The following APCDD1L variants were observed in gnomAD, a reference collection of about 807,000 sequenced individuals.
APCDD1L encodes the protein protein APCDD1-like.
APCDD1L carries 21 observed loss-of-function variants against 24.2 expected under a neutral mutation model. The observed-to-expected ratio is 0.87, with a 90% confidence interval of 0.61 to 1.25. The LOEUF is 1.25. Among genes scored for constraint, APCDD1L ranks in the 50% most tolerant of loss-of-function variants. The pLI is 0.00. For synonymous variants in APCDD1L, 321 were observed against 323.6 expected (o/e 0.99, Z 0.09); for missense variants, 704 against 711.7 (o/e 0.99, Z 0.12).
At chr20:58,491,049 T>C (rs1990216541) in intron 1 of APCDD1L, among the ~76,000 whole-genome samples, 1 of 152,240 alleles carries the variant, frequency 6.6e-6, no homozygotes, top group South Asian at 2.1e-4. Flanking sequence ...GAAAATGCAT[T>C]TGATAAAATT....
chr20:58,465,961 A>G (rs1469665230), intron 3 of APCDD1L, among the ~76,000 whole-genome samples: 1 of 152,068 alleles, frequency 6.6e-6, no homozygotes. Flanking sequence ...TTTTAAAAAC[A>G]GATTTTCTGA....
chr20:58,470,473 CT>C (rs1989788823), intron 2 of APCDD1L, 135 bp downstream of exon 2: 1 of 1,264,982 alleles, frequency 7.9e-7, no homozygotes, highest in Admixed American at 2.9e-5. Context: ...AGGCAAGCAT[CT>C]CCAGCAGCTT....
At position 58,459,301 on chromosome 20, in the gene APCDD1L, A is replaced by G. The variant is rs1989551261; in HGVS notation, c.*1489T>C. On this transcript the variant is annotated 3_prime_UTR_variant, in exon 4 of 4. Transcript: ENST00000371149. ...AATGATTTCTTGTACTTTGGTAAAT[A>G]TGCCAGGAACACTTGTAGCTGTCTG... 1 of 151,706 alleles carries G rather than the reference A, an allele frequency of 6.6e-6. No homozygotes were observed. The highest frequency in any genetic ancestry group is 1.5e-5 in the Non-Finnish European group (1 of 67,994). The allele number at this position is 151,706 out of a possible 1,614,324, so 9.4% of individuals were successfully genotyped here.
At chr20:58,505,161 C>T (rs1325303322) in intron 1 of APCDD1L, among the ~76,000 whole-genome samples, 1 of 152,126 alleles carries the variant, frequency 6.6e-6, no homozygotes, top group African/African-American at 2.4e-5. Context: ...AGGATGCCTC[C>T]TCCATGAAAA....
chr20:58,474,397 C>T (rs993666525), intron 1 of APCDD1L, among the ~76,000 whole-genome samples: 1 of 152,210 alleles, frequency 6.6e-6, no homozygotes, highest in Admixed American at 6.5e-5. Context: ...TAGTAAAATA[C>T]ACCTAACATA....
chr20:58,514,863 G>T lies in APCDD1L; in HGVS notation c.-156C>A. ...CCTGCGCCCCCCTCGGCGCTCACAC[G>T]CGCTCAGCCTTCCCGGCTGTTGATA... On this transcript the variant is annotated 5_prime_UTR_variant, in exon 1 of 4. Coordinates refer to ENST00000371149, the MANE Select transcript of APCDD1L (RefSeq NM_153360.3). 1 of 473,132 alleles carries T rather than the reference G, an allele frequency of 2.1e-6. No individual in the cohort carries two copies. Among genetic ancestry groups the T allele is most frequent in the Non-Finnish European group, 3.4e-6 (1 of 293,528 alleles). The allele number at this position is 473,132 out of a possible 1,614,324, so 29.3% of individuals were successfully genotyped here.
In APCDD1L at chr20:58,461,401, T is replaced by G. The variant is rs548816621; in HGVS notation, c.895A>C (p.Thr299Pro). 2.3e-5 allele frequency: 35 copies of G among 1,553,138 alleles called. No homozygotes were observed. The Admixed American group carries it at 5.3e-4, about 23-fold the overall frequency. Residue 299 changes from threonine to proline, a missense_variant, in exon 4 of 4, where the codon ACC (threonine) becomes CCC (proline). By Grantham distance (38) the Thr-to-Pro change is conservative. Coordinates refer to ENST00000371149, the MANE Select transcript of APCDD1L (RefSeq NM_153360.3). This position sits in a 1 kb window ranked among gnomAD's most constrained non-coding sequence, Gnocchi z 6.0. ...CEVRPAVLFL[T>P]RLFTFHGHSR... is the part of the protein sequence containing the mutation. ...TGCCCGTGGAAAGTGAAGAGCCGGGTGAGGAACAGGACTGCTGGGCGCACC... is the reference window on the plus strand; with the variant it reads ...TGCCCGTGGAAAGTGAAGAGCCGGGGGAGGAACAGGACTGCTGGGCGCACC...
intron 1 of APCDD1L, among the ~76,000 whole-genome samples, chr20:58,483,885 G>A (rs937497577): frequency 2.0e-5 from 3 of 152,214 alleles, no homozygotes; most frequent in African/African-American, 7.2e-5. Flanking sequence ...ATAATGGGCT[G>A]GAGAAGCCGG....
intron 1 of APCDD1L, among the ~76,000 whole-genome samples, chr20:58,480,677 A>G (rs1990007835): frequency 1.3e-5 from 2 of 152,220 alleles, no homozygotes; most frequent in Admixed American, 6.5e-5. Context: ...TGGGAAAGGA[A>G]TGGGGGCCTG....
chr20:58,501,302 T>C (rs1990433266), intron 1 of APCDD1L, among the ~76,000 whole-genome samples: 2 of 152,200 alleles, frequency 1.3e-5, no homozygotes, highest in South Asian at 4.1e-4. Flanking sequence ...TGACTGTATT[T>C]GGAGACAGGG....
At chr20:58,469,655 G>A (rs1300318547) in intron 2 of APCDD1L, among the ~76,000 whole-genome samples, 2 of 152,218 alleles carry the variant, frequency 1.3e-5, no homozygotes, top group Non-Finnish European at 1.5e-5. Context: ...TGCCGTGGGC[G>A]TGGGGGCTGT....
intron 3 of APCDD1L, among the ~76,000 whole-genome samples, chr20:58,463,392 G>C (rs112698857): frequency 6.6e-6 from 1 of 152,052 alleles, no homozygotes; most frequent in Admixed American, 6.5e-5. Context: ...ACAAACTCTC[G>C]TGAGCTGGGT....
In APCDD1L at chr20:58,500,838, G is replaced by A. The variant is rs142773438; in HGVS notation, c.49+13821C>T. Among the ~76,000 whole-genome samples, 99 of 152,266 alleles carry A rather than the reference G, an allele frequency of 6.5e-4. 1 individual carries two copies. Among genetic ancestry groups the A allele is most frequent in the African/African-American group, 2.3e-3 (95 of 41,530 alleles). ...TCGCTGCACTCCCCACTAGCCAGTT[G>A]CCCAGTCCAGGGAGTTTTGCCTTTT... On this transcript the variant is annotated intron_variant, in intron 1 of 3. Transcript: ENST00000371149.
At chr20:58,480,872 G>C (rs181993918) in intron 1 of APCDD1L, among the ~76,000 whole-genome samples, 6 of 152,348 alleles carry the variant, frequency 3.9e-5, no homozygotes, top group Non-Finnish European at 5.9e-5. Context: ...CCCAGCCACA[G>C]GCCAGCTGCT....
At chr20:58,502,353 G>A (rs551090601) in intron 1 of APCDD1L, among the ~76,000 whole-genome samples, 19 of 152,216 alleles carry the variant, frequency 1.2e-4, no homozygotes, top group Admixed American at 5.9e-4. Flanking sequence ...CACCCGCCTC[G>A]GCCTCCCAAA....
In APCDD1L at chr20:58,459,798, A is replaced by T. The variant is rs1359006993; in HGVS notation, c.*992T>A. The T allele has an allele frequency of 1.3e-5, 2 of 152,672 alleles. No homozygotes were observed. Among genetic ancestry groups the T allele is most frequent in the Non-Finnish European group, 2.9e-5 (2 of 68,064 alleles). The allele number at this position is 152,672 out of a possible 1,614,324, so 9.5% of individuals were successfully genotyped here. On this transcript the variant is annotated 3_prime_UTR_variant, in exon 4 of 4. Coordinates refer to ENST00000371149, the MANE Select transcript of APCDD1L (RefSeq NM_153360.3). The stretch of plus-strand genomic sequence containing the variant: ...ACCTCTCCCTAGGGTGGGCCCAAAG[A>T]TACACATTCGGAGATTCTCTTCCTT...
Position 58,514,685 on chromosome 20 carries a change from T to C in APCDD1L, c.23A>G (p.Tyr8Cys), listed in dbSNP as rs776515324. The change falls in exon 1 of 4, where the codon TAC (tyrosine) becomes TGC (cysteine). Residue 8 changes from tyrosine to cysteine, a missense_variant. Physicochemically the swap from Tyr to Cys is radical, Grantham distance 194. Coordinates refer to ENST00000371149, the MANE Select transcript of APCDD1L (RefSeq NM_153360.3). ...TCCCAAAAGCACCAGGACGCAAGCG[T>C]AGGGGAGCATGGCTGCGGGCATCCC... Reference protein sequence around the residue: MPAAMLPYACVLVLLGAH... With the variant: MPAAMLPCACVLVLLGAH... The C allele has an allele frequency of 1.5e-6, 2 of 1,312,410 alleles. No individual in the cohort carries two copies. The highest frequency in any genetic ancestry group is 5.6e-5 in the East Asian group (2 of 35,594). 81.3% of individuals were successfully genotyped at this position (1,312,410 alleles called of 1,614,324 possible).
In APCDD1L at chr20:58,493,655, T is replaced by TA. The variant is rs549820440; in HGVS notation, c.49+21003dup. Among the ~76,000 whole-genome samples, 311 of 150,604 alleles carry TA rather than the reference T, an allele frequency of 2.1e-3. 2 individuals are homozygous for TA. Among genetic ancestry groups the TA allele is most frequent in the African/African-American group, 7.3e-3 (297 of 40,960 alleles). The stretch of plus-strand genomic sequence containing the variant: ...CATCAACCTCAGGAACAAGCACAGC[T>TA]AAAAAAAATACCCCGTTTAGGGGGC... On this transcript the variant is annotated intron_variant, in intron 1 of 3. Transcript: ENST00000371149.
At chr20:58,470,578 G>T in intron 2 of APCDD1L, 31 bp downstream of exon 2, 1 of 1,567,568 alleles carries the variant, frequency 6.4e-7, no homozygotes, top group Non-Finnish European at 8.7e-7. Flanking sequence ...CCAGTCCAGG[G>T]GTCCATGGTC....
Sources: gnomAD v4.1 joint callset for allele counts (sites outside exome capture counted in the v4.1 genomes callset) on GRCh38, gnomAD v4.1.1 for gene constraint, Gnocchi (gnomAD v3.1) non-coding constraint, MANE v1.5 for transcripts, NCBI Gene and HGNC (gene_info 2026-07-23, HGNC 2026-07-21) for gene names.